AUTS2: variants seen among roughly 807,000 people sequenced by gnomAD.
AUTS2 encodes activator of transcription and developmental regulator AUTS2.
Under a neutral mutation model 112.4 loss-of-function variants are expected in AUTS2, and 17 were observed. The observed-to-expected ratio is 0.15, with a 90% CI of 0.10 to 0.23. The LOEUF is 0.23. Ranked by LOEUF, AUTS2 falls within the 10% of genes least tolerant of loss-of-function variation. AUTS2 has a pLI of 1.00. For missense variants in AUTS2, 1,510 were observed against 1,701.6 expected (o/e 0.89, Z 1.98); for synonymous variants, 751 against 702.7 (o/e 1.07, Z -1.09).
At position 70,668,524 on chromosome 7, in the gene AUTS2, C is replaced by T. The variant is rs367666529; in HGVS notation, c.691-30045C>T. 9.9e-4 allele frequency among the ~76,000 whole-genome samples: 151 copies of T among 152,312 alleles called. No individual in the cohort carries two copies. The South Asian group carries it at 0.03, about 30-fold the overall frequency. On this transcript the variant is annotated intron_variant, in intron 5 of 18. Coordinates refer to ENST00000342771, the MANE Select transcript of AUTS2 (RefSeq NM_015570.4). ...CTAGAAATATCTGAGACCTTGTTAT[C>T]TTTCTCAGGCCTCTCCTACTGGACC...
intron 5 of AUTS2, among the ~76,000 whole-genome samples, chr7:70,637,269 T>A (rs1291485850): frequency 6.6e-6 from 1 of 152,202 alleles, no homozygotes; most frequent in African/African-American, 2.4e-5. Flanking sequence ...TTGAGGCCAC[T>A]GGTTTGATGT....
chr7:69,600,539 T>TA (rs1491461590), intron 1 of AUTS2, among the ~76,000 whole-genome samples: 3 of 10,054 alleles, frequency 3.0e-4, no homozygotes, highest in Non-Finnish European at 6.8e-4. Context: ...CCCCATATTC[T>TA]TTTTTTTTTT....
intron 2 of AUTS2, among the ~76,000 whole-genome samples, chr7:69,926,465 A>G (rs1225196660): frequency 6.6e-6 from 1 of 151,390 alleles, no homozygotes; most frequent in Non-Finnish European, 1.5e-5. Flanking sequence ...CTATCTATCT[A>G]TCTATCTATC....
At chr7:70,094,174 G>A (rs113825714) in intron 2 of AUTS2, among the ~76,000 whole-genome samples, 2,255 of 152,260 alleles carry the variant, frequency 0.015, 31 homozygotes, top group Middle Eastern at 0.041. Flanking sequence ...GGAAAATGTG[G>A]ACATCTAGAG....
chr7:69,987,960 G>A (rs761668665), intron 2 of AUTS2, among the ~76,000 whole-genome samples: 1 of 152,164 alleles, frequency 6.6e-6, no homozygotes, highest in African/African-American at 2.4e-5. Context: ...AGGTGTGCGT[G>A]TGTATGTCAG....
Position 70,788,972 on chromosome 7 carries a change from T to A in AUTS2, c.2532-776T>A, listed in dbSNP as rs114279903. Reference sequence around the variant, plus strand: ...CCCATCCAAGACAGGTCTCTAAAATTCTTGTCTCGTGTTTTCACTCACAGC... The same window carrying A: ...CCCATCCAAGACAGGTCTCTAAAATACTTGTCTCGTGTTTTCACTCACAGC... On this transcript the variant is annotated intron_variant, in intron 18 of 18. Transcript: ENST00000342771. 5.4e-3 allele frequency among the ~76,000 whole-genome samples: 828 copies of A among 152,344 alleles called. 10 individuals carry two copies. Among genetic ancestry groups the A allele is most frequent in the African/African-American group, 0.019 (784 of 41,576 alleles).
At chr7:69,884,772 T>G (rs1794201563) in intron 1 of AUTS2, among the ~76,000 whole-genome samples, 3 of 152,200 alleles carry the variant, frequency 2.0e-5, no homozygotes, top group African/African-American at 7.2e-5. Flanking sequence ...TGACACTGCC[T>G]TTCATCTTTC....
chr7:70,445,968 C>T (rs1357452367), intron 5 of AUTS2, among the ~76,000 whole-genome samples: 6 of 152,186 alleles, frequency 3.9e-5, no homozygotes, highest in Non-Finnish European at 7.4e-5. Context: ...TCTGAGCTTC[C>T]AGTCCAGAGC....
At chr7:70,505,688 C>T (rs1450766545) in intron 5 of AUTS2, among the ~76,000 whole-genome samples, 4 of 152,286 alleles carry the variant, frequency 2.6e-5, no homozygotes, top group South Asian at 4.2e-4. Context: ...TAAGTCCAGC[C>T]GTTGTCCTAA....
intron 1 of AUTS2, among the ~76,000 whole-genome samples, chr7:69,602,032 ATATATATATGTGTG>A (rs1334008283): frequency 7.7e-5 from 1 of 13,000 alleles, no homozygotes; most frequent in Non-Finnish European, 1.7e-4. Context: ...ATATATATAT[ATATATATATGTGTG>A]TGTGTGTGTG....
At chr7:70,047,136 C>T (rs1801542251) in intron 2 of AUTS2, among the ~76,000 whole-genome samples, 1 of 152,152 alleles carries the variant, frequency 6.6e-6, no homozygotes. Context: ...GAAATTACCC[C>T]ATGGAATATA....
rs190619899 is a variant in AUTS2 at position 69,883,178 on chromosome 7, C to T, written c.310-16108C>T. Among the ~76,000 whole-genome samples the T allele has an allele frequency of 2.6e-5, 4 of 152,214 alleles. No homozygotes were observed. In the East Asian group the frequency reaches 7.7e-4, roughly 29 times the overall value. On this transcript the variant is annotated intron_variant, in intron 1 of 18. Transcript: ENST00000342771. ...GATAGCAGTGAAGTGGTCTATTTTC[C>T]TGGAATGAAGCTTCTATGGTGGGAA...
chr7:70,405,384 G>A (rs1050094863), intron 4 of AUTS2, among the ~76,000 whole-genome samples: 8 of 152,186 alleles, frequency 5.3e-5, no homozygotes, highest in Non-Finnish European at 8.8e-5. Flanking sequence ...GCGTTCGTAC[G>A]TGGAAGTCTG....
intron 1 of AUTS2, among the ~76,000 whole-genome samples, chr7:69,696,838 A>G (rs891604997): frequency 6.6e-6 from 1 of 152,180 alleles, no homozygotes; most frequent in Admixed American, 6.5e-5. Flanking sequence ...CTTTGCTGTG[A>G]GCAGAGAGAA....
At chr7:70,068,850 C>T (rs1802620967) in intron 2 of AUTS2, among the ~76,000 whole-genome samples, 8 of 152,118 alleles carry the variant, frequency 5.3e-5, no homozygotes, top group Admixed American at 5.2e-4. Flanking sequence ...CTTGTTTTGC[C>T]TTGGGCATCT....
chr7:69,693,144 C>T (rs753728678), intron 1 of AUTS2, among the ~76,000 whole-genome samples: 1 of 152,182 alleles, frequency 6.6e-6, no homozygotes, highest in Non-Finnish European at 1.5e-5. Flanking sequence ...GAGTGAGTTA[C>T]TTAACATTCC....
At chr7:70,586,130 T>C (rs942943742) in intron 5 of AUTS2, among the ~76,000 whole-genome samples, 2 of 152,156 alleles carry the variant, frequency 1.3e-5, no homozygotes, top group Admixed American at 6.5e-5. Flanking sequence ...CCCAAAGTGC[T>C]GGGATTACAG....
intron 1 of AUTS2, among the ~76,000 whole-genome samples, chr7:69,660,890 C>T (rs902218955): frequency 2.0e-5 from 3 of 152,168 alleles, no homozygotes; most frequent in Non-Finnish European, 2.9e-5. Flanking sequence ...GCTGAGATCG[C>T]GCCACTGCAC....
At chr7:69,953,039 T>C (rs537036540) in intron 2 of AUTS2, among the ~76,000 whole-genome samples, 32 of 152,282 alleles carry the variant, frequency 2.1e-4, no homozygotes, top group Admixed American at 8.5e-4. Context: ...ATTTTGAATT[T>C]CCCTCCTCCC....
Sources: allele counts gnomAD v4.1 joint callset (sites outside exome capture counted in the v4.1 genomes callset), GRCh38; gene constraint gnomAD v4.1.1; transcripts MANE v1.5; gene names NCBI Gene and HGNC (gene_info 2026-07-23, HGNC 2026-07-21).